The following RIMS1 variants were observed in gnomAD, a reference collection of about 807,000 sequenced individuals.
RIMS1 encodes the protein regulating synaptic membrane exocytosis protein 1.
A neutral mutation model predicts 214.1 loss-of-function variants in RIMS1; 83 were observed. The ratio of observed to expected loss-of-function variants is 0.39; its 90% CI spans 0.32 to 0.47. The LOEUF (loss-of-function observed/expected upper bound fraction) is 0.47. RIMS1 is among the 20% of genes least tolerant of loss of function. The probability of loss-of-function intolerance (pLI) is 0.99; values close to 1 mark genes in which losing one functional copy is unlikely to be tolerated. For synonymous variants in RIMS1, 793 were observed against 786.8 expected, an observed-to-expected ratio of 1.01 and a Z score of -0.13; for missense variants, 2,050 against 2,161.8, an observed-to-expected ratio of 0.95 and a Z score of 1.03.
intron 2 of RIMS1, among the ~76,000 whole-genome samples, chr6:72,045,292 G>A (rs182920144): frequency 9.9e-5 from 15 of 151,698 alleles, no homozygotes; most frequent in East Asian, 1.9e-4. Flanking sequence ...ATGATGAGTC[G>A]TATTATATTG....
At chr6:72,001,922 T>C (rs555863058) in intron 2 of RIMS1, among the ~76,000 whole-genome samples, 7 of 152,180 alleles carry the variant, frequency 4.6e-5, no homozygotes, top group Non-Finnish European at 1.0e-4. Context: ...GATGAGGATA[T>C]GGAAATCCTC....
At chr6:72,378,458 GTGCAGT>G (rs1440231656) in intron 29 of RIMS1, among the ~76,000 whole-genome samples, 1 of 152,098 alleles carries the variant, frequency 6.6e-6, no homozygotes, top group Admixed American at 6.5e-5. Flanking sequence ...TCTATAACTT[GTGCAGT>G]ACAGTCATTT....
intron 28 of RIMS1, among the ~76,000 whole-genome samples, chr6:72,318,353 G>A (rs1287914083): frequency 6.6e-6 from 1 of 151,578 alleles, no homozygotes; most frequent in South Asian, 2.1e-4. Context: ...AAATTATGCA[G>A]TTTCTGTGAT....
chr6:72,032,714 T>G (rs1585270841), intron 2 of RIMS1, among the ~76,000 whole-genome samples: 2 of 152,120 alleles, frequency 1.3e-5, no homozygotes, highest in East Asian at 3.9e-4. Context: ...TAAAAGATCT[T>G]GTATGTAAAA....
intron 29 of RIMS1, among the ~76,000 whole-genome samples, chr6:72,363,516 G>A (rs1369999214): frequency 6.6e-6 from 1 of 152,206 alleles, no homozygotes; most frequent in Non-Finnish European, 1.5e-5. Flanking sequence ...AAGAAAATGA[G>A]TTAGGATGAA....
intron 23 of RIMS1, among the ~76,000 whole-genome samples, chr6:72,282,528 A>G (rs1296402416): frequency 6.6e-6 from 1 of 152,184 alleles, no homozygotes; most frequent in African/African-American, 2.4e-5. Flanking sequence ...CTTCCAGAAC[A>G]GATACACACA....
chr6:72,111,713 G>C (rs752576621), intron 4 of RIMS1, among the ~76,000 whole-genome samples: 1 of 152,128 alleles, frequency 6.6e-6, no homozygotes, highest in Non-Finnish European at 1.5e-5. Context: ...AAGATGCAAC[G>C]AGTAGGATGC....
At chr6:72,009,380 C>G (rs1809339736) in intron 2 of RIMS1, among the ~76,000 whole-genome samples, 1 of 152,090 alleles carries the variant, frequency 6.6e-6, no homozygotes, top group Admixed American at 6.6e-5. Flanking sequence ...CAGGAAAGAT[C>G]TAAAATTGAC....
intron 1 of RIMS1, among the ~76,000 whole-genome samples, chr6:71,908,854 A>C (rs1356966316): frequency 6.6e-6 from 1 of 152,212 alleles, no homozygotes; most frequent in Non-Finnish European, 1.5e-5. Flanking sequence ...AGCCAAAGTC[A>C]ATGAGTAAAA....
At chr6:71,933,413 C>G (rs774172553) in intron 1 of RIMS1, among the ~76,000 whole-genome samples, 7 of 151,998 alleles carry the variant, frequency 4.6e-5, no homozygotes, top group African/African-American at 7.2e-5. Flanking sequence ...GCCTGGCACA[C>G]AGTAGATGCT....
chr6:72,144,467 C>T (rs959052301), intron 4 of RIMS1, among the ~76,000 whole-genome samples: 2 of 152,078 alleles, frequency 1.3e-5, no homozygotes, highest in Non-Finnish European at 2.9e-5. Context: ...TGTATCAAGA[C>T]GTAGACATTT....
chr6:72,083,635 ACT>A (rs1195920720), intron 2 of RIMS1, among the ~76,000 whole-genome samples: 2 of 152,084 alleles, frequency 1.3e-5, no homozygotes, highest in African/African-American at 4.8e-5. Context: ...AAAGCGAAGT[ACT>A]CTGTTTCCCT....
intron 1 of RIMS1, among the ~76,000 whole-genome samples, chr6:71,908,550 T>C (rs1775955614): frequency 6.6e-6 from 1 of 152,196 alleles, no homozygotes; most frequent in Non-Finnish European, 1.5e-5. Flanking sequence ...AGTCAACTTC[T>C]CTAACTTTAA....
At chr6:71,999,081 TA>T (rs1804337894) in intron 2 of RIMS1, among the ~76,000 whole-genome samples, 1 of 152,124 alleles carries the variant, frequency 6.6e-6, no homozygotes, top group Admixed American at 6.6e-5. Context: ...CCTTTTACAA[TA>T]TTTTTCTCTG....
intron 2 of RIMS1, among the ~76,000 whole-genome samples, chr6:72,056,811 G>A (rs1019604336): frequency 3.9e-5 from 6 of 151,972 alleles, no homozygotes; most frequent in African/African-American, 1.5e-4. Context: ...GAAAATTAAG[G>A]TTAAATAATA....
intron 6 of RIMS1, among the ~76,000 whole-genome samples, chr6:72,209,673 G>A (rs774849105): frequency 4.6e-5 from 7 of 152,074 alleles, no homozygotes; most frequent in South Asian, 4.2e-4. Context: ...AGGCCAAGGC[G>A]GATGGATCAC....
intron 2 of RIMS1, among the ~76,000 whole-genome samples, chr6:72,002,662 A>T (rs1479024431): frequency 6.6e-6 from 1 of 152,186 alleles, no homozygotes; most frequent in Non-Finnish European, 1.5e-5. Flanking sequence ...CAAGATCACC[A>T]GTGATGCCTG....
At chr6:72,122,523 A>G (rs1312042940) in intron 4 of RIMS1, among the ~76,000 whole-genome samples, 1 of 151,422 alleles carries the variant, frequency 6.6e-6, no homozygotes. Context: ...CTCTTTTTCT[A>G]TTTATTGGAA....
At chr6:72,109,011 C>G (rs1161969453) in intron 4 of RIMS1, among the ~76,000 whole-genome samples, 3 of 151,942 alleles carry the variant, frequency 2.0e-5, no homozygotes, top group African/African-American at 7.3e-5. Context: ...TCATCCATGT[C>G]CCTACAAAGG....
Sources: gnomAD v4.1 joint callset for allele counts (sites outside exome capture counted in the v4.1 genomes callset) on GRCh38, gnomAD v4.1.1 for gene constraint, MANE v1.5 for transcripts, NCBI Gene and HGNC (gene_info 2026-07-23, HGNC 2026-07-21) for gene names.